Variants in UBE4B observed in about 807,000 individuals in gnomAD.
UBE4B encodes the protein ubiquitin conjugation factor E4 B.
In UBE4B, 27 loss-of-function variants were observed where a neutral mutation model predicts 148.1. The observed-to-expected ratio is 0.18, with a 90% confidence interval of 0.13 to 0.25. The LOEUF is 0.25. Among genes scored for constraint, UBE4B ranks in the 10% least tolerant of loss-of-function variants. UBE4B has a pLI of 1.00. For synonymous variants in UBE4B, 596 were observed against 619.3 expected (o/e 0.96, Z 0.56); for missense variants, 1,170 against 1,662.4 (o/e 0.70, Z 5.15).
At chr1:10,133,155 T>A (rs1422841369) in intron 15 of UBE4B, among the ~76,000 whole-genome samples, 1 of 152,206 alleles carries the variant, frequency 6.6e-6, no homozygotes, top group Non-Finnish European at 1.5e-5. Flanking sequence ...GACAGGCCAG[T>A]GGCTGCAGCT....
At chr1:10,139,588 A>G (rs1645753765) in intron 17 of UBE4B, among the ~76,000 whole-genome samples, 1 of 152,176 alleles carries the variant, frequency 6.6e-6, no homozygotes, top group Admixed American at 6.5e-5. Flanking sequence ...TATATATAAG[A>G]CTATTTAGAT....
chr1:10,072,657 A>G, intron 2 of UBE4B: 2 of 584,204 alleles, frequency 3.4e-6, no homozygotes, highest in Non-Finnish European at 3.0e-6. Flanking sequence ...TCAGAGGATA[A>G]AACTACCTGA....
chr1:10,179,432 C>T lies in UBE4B; in HGVS notation c.3717C>T (p.Thr1239=). Residue 1239 remains threonine (T), a synonymous_variant, in exon 27 of 28, where the codon ACC becomes ACT. Coordinates refer to ENST00000343090, the MANE Select transcript of UBE4B (RefSeq NM_001105562.3). ...PDEFRDPLMD[T]LMTDPVRLPS... is the part of the protein sequence containing the mutation. Reference sequence around the variant, plus strand: ...TCCCCGCAGACCCTCTGATGGACACCCTCATGACAGACCCCGTGCGGCTGC... The same window carrying T: ...TCCCCGCAGACCCTCTGATGGACACTCTCATGACAGACCCCGTGCGGCTGC... 6.2e-7 allele frequency: 1 copy of T among 1,613,936 alleles called. No individual in the cohort carries two copies. The highest frequency in any genetic ancestry group is 8.5e-7 in the Non-Finnish European group (1 of 1,180,006).
At chr1:10,110,279 T>A (rs1253157404) in intron 7 of UBE4B, among the ~76,000 whole-genome samples, 1 of 152,206 alleles carries the variant, frequency 6.6e-6, no homozygotes, top group Non-Finnish European at 1.5e-5. Flanking sequence ...GGATTAATTT[T>A]AAAAAGGTAA....
intron 21 of UBE4B, among the ~76,000 whole-genome samples, chr1:10,153,134 T>C (rs1276774233): frequency 2.0e-5 from 3 of 152,008 alleles, no homozygotes; most frequent in Non-Finnish European, 4.4e-5. Flanking sequence ...GCACCCCCTA[T>C]TGGCAACCCT....
At position 10,158,446 on chromosome 1, in the gene UBE4B, A is replaced by C; in HGVS notation, c.3017A>C (p.Asn1006Thr). 1 of 1,614,166 alleles carries C rather than the reference A, an allele frequency of 6.2e-7. No homozygotes were observed. The highest frequency in any genetic ancestry group is 8.5e-7 in the Non-Finnish European group (1 of 1,180,030). ...ACCATTTTTAAAAGCCTTTGGCAAA[A>C]CATAGCTCACCATGGCACCTTTATG... ...ISTIFKSLWQ[N>T]IAHHGTFMEE... The change falls in exon 22 of 28, where the codon AAC (asparagine) becomes ACC (threonine). Residue 1006 changes from asparagine (N) to threonine (T), a missense_variant. Physicochemically the swap from Asn to Thr is moderately conservative, Grantham distance 65 (BLOSUM62 0). This residue lies in a region of UBE4B where 348 missense variants were observed against 627.2 expected (regional missense o/e 0.55). Coordinates refer to ENST00000343090, the MANE Select transcript of UBE4B (RefSeq NM_001105562.3).
In UBE4B at chr1:10,143,716, A is replaced by G. The variant is rs76304878; in HGVS notation, c.2364-1224A>G. Among the ~76,000 whole-genome samples the G allele has an allele frequency of 6.2e-4, 94 of 152,312 alleles. 1 individual carries two copies. The East Asian group carries it at 0.017, about 28-fold the overall frequency. ...TTTCAGTTGTAGACGAAAGAATCCAATTCTTCTGGGATAAGCAGAAAGGGG... is the reference window on the plus strand; with the variant it reads ...TTTCAGTTGTAGACGAAAGAATCCAGTTCTTCTGGGATAAGCAGAAAGGGG... On this transcript the variant is annotated intron_variant, in intron 17 of 27. Transcript: ENST00000343090.
At chr1:10,033,784 T>C in intron 1 of UBE4B, 90 bp downstream of exon 1, 1 of 1,331,294 alleles carries the variant, frequency 7.5e-7, no homozygotes, top group South Asian at 1.9e-5. Flanking sequence ...CTGTCTGGCC[T>C]TTGGGCTTGG....
Position 10,135,135 on chromosome 1 carries a change from A to G in UBE4B, c.2173A>G (p.Thr725Ala). ...RCRITLPNDE[T>A]RVNATMEDVN... ...TCGGATTACTCTTCCCAATGATGAGACGCGTGTGAATGCAACGATGGAAGA... is the reference window on the plus strand; with the variant it reads ...TCGGATTACTCTTCCCAATGATGAGGCGCGTGTGAATGCAACGATGGAAGA... The change falls in exon 16 of 28, where the codon ACG becomes GCG. Residue 725 changes from threonine to alanine, a missense_variant. Thr to Ala is a moderately conservative substitution (Grantham distance 58). Around this residue, in one of 6 missense-constraint regions of UBE4B, gnomAD observed 388 missense variants for 536.0 expected, o/e 0.72. Coordinates refer to ENST00000343090, the MANE Select transcript of UBE4B (RefSeq NM_001105562.3). The G allele has an allele frequency of 1.9e-6, 3 of 1,613,964 alleles. No homozygotes were observed. The highest frequency in any genetic ancestry group is 2.5e-6 in the Non-Finnish European group (3 of 1,179,978).
At chr1:10,152,840 G>A (rs1258255300) in intron 21 of UBE4B, among the ~76,000 whole-genome samples, 1 of 152,056 alleles carries the variant, frequency 6.6e-6, no homozygotes, top group East Asian at 1.9e-4. Context: ...AATAGTAGGT[G>A]CAGGAAGTAG....
At position 10,158,277 on chromosome 1, in the gene UBE4B, G is replaced by C. The variant is rs567744011; in HGVS notation, c.2927-79G>C. ...GATTTTGCAGGTTTACATTCACTCA[G>C]TATCATTGTTGGGGCAATAACTGGA... On this transcript the variant is annotated intron_variant, in intron 21 of 27. Coordinates refer to ENST00000343090, the MANE Select transcript of UBE4B (RefSeq NM_001105562.3). 3 of 1,547,130 alleles carry C rather than the reference G, an allele frequency of 1.9e-6. No individual in the cohort carries two copies. In the East Asian group the frequency reaches 6.8e-5, roughly 35 times the overall value.
chr1:10,117,313 GCAGT>G (rs1357656125), intron 7 of UBE4B, 142 bp from the exon 8 acceptor site: 2 of 958,674 alleles, frequency 2.1e-6, no homozygotes, highest in Non-Finnish European at 3.1e-6. Flanking sequence ...GGTGAAACAA[GCAGT>G]CAGGGTGGAT....
intron 1 of UBE4B, among the ~76,000 whole-genome samples, chr1:10,036,658 C>G (rs1037591725): frequency 6.6e-6 from 1 of 151,872 alleles, no homozygotes. Flanking sequence ...CTTTTTAATT[C>G]AATTAAAAAT....
At chr1:10,133,464 T>C (rs1257241435) in intron 15 of UBE4B, among the ~76,000 whole-genome samples, 1 of 152,194 alleles carries the variant, frequency 6.6e-6, no homozygotes, top group African/African-American at 2.4e-5. Flanking sequence ...ATCATTCTTA[T>C]CATTGTTGTA....
In UBE4B at chr1:10,132,768, G is replaced by A. The variant is rs950882701; in HGVS notation, c.2025+286G>A. On this transcript the variant is annotated intron_variant, in intron 15 of 27. Coordinates refer to ENST00000343090, the MANE Select transcript of UBE4B (RefSeq NM_001105562.3). Reference sequence around the variant, plus strand: ...AGATCTGAAGGTGATTTTTGATTGGGTGGCAGGAAAGGCCTCCCTGAGGAG... The same window carrying A: ...AGATCTGAAGGTGATTTTTGATTGGATGGCAGGAAAGGCCTCCCTGAGGAG... 2.0e-5 allele frequency among the ~76,000 whole-genome samples: 3 copies of A among 152,172 alleles called. No individual in the cohort carries two copies. In the South Asian group the frequency reaches 6.2e-4, roughly 32 times the overall value.
intron 2 of UBE4B, among the ~76,000 whole-genome samples, chr1:10,074,055 C>T (rs886517429): frequency 8.7e-5 from 13 of 150,198 alleles, no homozygotes; most frequent in African/African-American, 3.2e-4. Flanking sequence ...CCGTCTGCTT[C>T]AGTCTCTCAT....
In UBE4B at chr1:10,107,433, T is replaced by C. The variant is rs548413565; in HGVS notation, c.1196+850T>C. 44 of 1,236,822 alleles carry C rather than the reference T, an allele frequency of 3.6e-5. No individual in the cohort carries two copies. In the African/African-American group the frequency reaches 5.8e-4, roughly 16 times the overall value. 76.6% of individuals were successfully genotyped at this position (1,236,822 alleles called of 1,614,324 possible). A position where few individuals can be genotyped will look rare whatever the true frequency, so the allele number is the denominator to read the frequency against. The stretch of plus-strand genomic sequence containing the variant: ...GCGTAGATGCTTAGGAACTAACTTC[T>C]ATAAGCTCTAACAAGGGGCGTGCTT... On this transcript the variant is annotated intron_variant, in intron 7 of 27. Coordinates refer to ENST00000343090, the MANE Select transcript of UBE4B (RefSeq NM_001105562.3).
chr1:10,054,538 T>G (rs1030330175), intron 1 of UBE4B: 1 of 335,474 alleles, frequency 3.0e-6, no homozygotes, highest in Non-Finnish European at 5.7e-6. Flanking sequence ...TCTTTGGCTT[T>G]CTTCTTTTTC....
chr1:10,180,042 T>A lies in UBE4B; in HGVS notation c.*86T>A. 6.3e-7 allele frequency: 1 copy of A among 1,580,478 alleles called. No homozygotes were observed. The highest frequency in any genetic ancestry group is 8.6e-7 in the Non-Finnish European group (1 of 1,156,482). On this transcript the variant is annotated 3_prime_UTR_variant, in exon 28 of 28. Coordinates refer to ENST00000343090, the MANE Select transcript of UBE4B (RefSeq NM_001105562.3). ...GCGGCCGCAGCGAAGCTGCCGTTCA[T>A]GTGTTGGAGGCCAAATGTGGCAAAC...
Sources: allele counts gnomAD v4.1 joint callset (sites outside exome capture counted in the v4.1 genomes callset), GRCh38; gene constraint gnomAD v4.1.1; regional missense constraint gnomAD v4.1.1; transcripts MANE v1.5; gene names NCBI Gene and HGNC (gene_info 2026-07-23, HGNC 2026-07-21).